The following MGLL variants were observed in gnomAD, a reference collection of about 807,000 sequenced individuals.
MGLL encodes lysophospholipase homolog.
MGLL carries 7 observed loss-of-function variants against 29.1 expected under a neutral mutation model. The observed-to-expected ratio is 0.24, with a 90% confidence interval of 0.14 to 0.45. The LOEUF is 0.45. MGLL is among the 20% of genes least tolerant of loss of function. The pLI is 0.99. For synonymous variants in MGLL, 148 were observed against 168.3 expected (o/e 0.88, Z 0.93); for missense variants, 356 against 413.6 (o/e 0.86, Z 1.21).
At chr3:127,746,711 C>T (rs1233461688) in intron 3 of MGLL, among the ~76,000 whole-genome samples, 1 of 152,170 alleles carries the variant, frequency 6.6e-6, no homozygotes, top group South Asian at 2.1e-4. Flanking sequence ...GGCATGCACG[C>T]CATCCTTCTT....
chr3:127,742,229 C>T (rs2076353272), intron 3 of MGLL, among the ~76,000 whole-genome samples: 1 of 152,166 alleles, frequency 6.6e-6, no homozygotes, highest in African/African-American at 2.4e-5. Context: ...AAAAAAATGT[C>T]CTTATTATAT....
rs78261091 is a variant in MGLL at position 127,722,371 on chromosome 3, C to A, written c.399+59G>T. 5.0e-4 allele frequency: 804 copies of A among 1,611,256 alleles called. 6 individuals are homozygous for A. In the African/African-American group the frequency reaches 1.0e-2, roughly 20 times the overall value. Reference sequence around the variant, plus strand: ...GGCAGGAAGTCAGGGCCACCCCCTTCCCCCTGCAAGGCTGGAAGCCAGGGT... The same window carrying A: ...GGCAGGAAGTCAGGGCCACCCCCTTACCCCTGCAAGGCTGGAAGCCAGGGT... On this transcript the variant is annotated intron_variant, in intron 4 of 7. Coordinates refer to ENST00000265052, the MANE Select transcript of MGLL (RefSeq NM_007283.7).
chr3:127,738,456 G>C (rs1387917073), intron 3 of MGLL, among the ~76,000 whole-genome samples: 1 of 152,182 alleles, frequency 6.6e-6, no homozygotes, highest in Non-Finnish European at 1.5e-5. Context: ...GGAGCTGCTG[G>C]TGGAAGGGTG....
At chr3:127,727,152 C>G (rs1395687648) in intron 3 of MGLL, among the ~76,000 whole-genome samples, 1 of 152,144 alleles carries the variant, frequency 6.6e-6, no homozygotes, top group Non-Finnish European at 1.5e-5. Flanking sequence ...AAGAACTTCC[C>G]CCCTTCCTCA....
At chr3:127,736,612 C>T (rs1437331979) in intron 3 of MGLL, among the ~76,000 whole-genome samples, 1 of 152,248 alleles carries the variant, frequency 6.6e-6, no homozygotes, top group Admixed American at 6.5e-5. Context: ...AAAAGAGCCT[C>T]ATTTGTTAAG....
chr3:127,716,312 C>T (rs1163489570), intron 5 of MGLL, among the ~76,000 whole-genome samples: 3 of 152,212 alleles, frequency 2.0e-5, no homozygotes, highest in African/African-American at 4.8e-5. Flanking sequence ...AAACTAACTC[C>T]GAAGGGATGC....
intron 4 of MGLL, 88 bp downstream of exon 4, chr3:127,722,342 G>C (rs753497957): frequency 1.0e-5 from 16 of 1,555,608 alleles, no homozygotes; most frequent in East Asian, 9.0e-5. Context: ...AGAGAGCAGT[G>C]GGGGGCAGGA....
chr3:127,821,329 C>T (rs917958911), intron 2 of MGLL, among the ~76,000 whole-genome samples: 4 of 152,210 alleles, frequency 2.6e-5, no homozygotes, highest in Admixed American at 2.0e-4. Flanking sequence ...TGTATTACTT[C>T]GGGTTTCTCA....
intron 2 of MGLL, among the ~76,000 whole-genome samples, chr3:127,784,974 G>A (rs770189714): frequency 9.9e-5 from 15 of 152,108 alleles, no homozygotes; most frequent in South Asian, 2.1e-4. Context: ...CCCGAGCTCC[G>A]AGGCCTCCTT....
intron 3 of MGLL, among the ~76,000 whole-genome samples, chr3:127,744,657 G>C (rs2076407692): frequency 6.6e-6 from 1 of 152,184 alleles, no homozygotes; most frequent in South Asian, 2.1e-4. Flanking sequence ...AAGGAATTAA[G>C]TCTGTAACAA....
At chr3:127,734,744 C>T (rs377567454) in intron 3 of MGLL, among the ~76,000 whole-genome samples, 20 of 152,242 alleles carry the variant, frequency 1.3e-4, no homozygotes, top group African/African-American at 4.6e-4. Context: ...CTCAGCCCAG[C>T]AAATGCCTTC....
chr3:127,805,480 G>A (rs1435751246), intron 2 of MGLL, among the ~76,000 whole-genome samples: 2 of 152,174 alleles, frequency 1.3e-5, no homozygotes, highest in Admixed American at 6.5e-5. Flanking sequence ...GGCTCATACC[G>A]CAGACCTGGC....
At chr3:127,758,925 C>CT (rs55756082) in intron 3 of MGLL, among the ~76,000 whole-genome samples, 11 of 100,832 alleles carry the variant, frequency 1.1e-4, no homozygotes, top group South Asian at 6.5e-4. Flanking sequence ...CTTTTCTTTT[C>CT]TTTTTTTTTT....
chr3:127,765,689 A>G (rs964691386), intron 3 of MGLL, among the ~76,000 whole-genome samples: 6 of 152,220 alleles, frequency 3.9e-5, no homozygotes, highest in Non-Finnish European at 7.3e-5. Flanking sequence ...AGAAACACGT[A>G]CCCCCAACAT....
intron 7 of MGLL, among the ~76,000 whole-genome samples, chr3:127,694,301 A>C (rs868480304): frequency 7.8e-6 from 1 of 127,738 alleles, no homozygotes; most frequent in South Asian, 2.6e-4. Context: ...ATATATATAT[A>C]TATATATGTA....
intron 3 of MGLL, among the ~76,000 whole-genome samples, chr3:127,722,807 C>T (rs2075957175): frequency 6.6e-6 from 1 of 152,184 alleles, no homozygotes; most frequent in East Asian, 1.9e-4. Context: ...AAGCAACGAG[C>T]CAGGGTGTAC....
chr3:127,709,594 C>A (rs976965193), intron 6 of MGLL, among the ~76,000 whole-genome samples: 3 of 152,186 alleles, frequency 2.0e-5, no homozygotes, highest in African/African-American at 7.2e-5. Context: ...AATGCTAGAG[C>A]ACTGCACTCC....
chr3:127,803,931 G>A (rs116684146), intron 2 of MGLL, among the ~76,000 whole-genome samples: 18 of 152,270 alleles, frequency 1.2e-4, no homozygotes, highest in Non-Finnish European at 2.4e-4. Context: ...GCTCTTGAGT[G>A]TACCCCAGTG....
chr3:127,733,372 G>A (rs1477584299), intron 3 of MGLL, among the ~76,000 whole-genome samples: 2 of 152,192 alleles, frequency 1.3e-5, no homozygotes, highest in Non-Finnish European at 2.9e-5. Context: ...TCTGTCTATG[G>A]GGTAGCCATT....
Sources: gnomAD v4.1 joint callset for allele counts (sites outside exome capture counted in the v4.1 genomes callset) on GRCh38, gnomAD v4.1.1 for gene constraint, MANE v1.5 for transcripts, NCBI Gene and HGNC (gene_info 2026-07-23, HGNC 2026-07-21) for gene names.